The following PDE1C variants were observed in gnomAD, a reference collection of about 807,000 sequenced individuals.
The protein encoded by PDE1C is dual specificity calcium/calmodulin-dependent 3',5'-cyclic nucleotide phosphodiesterase 1C.
PDE1C carries 62 observed loss-of-function variants against 93.1 expected under a neutral mutation model. The observed-to-expected ratio is 0.67, with a 90% CI of 0.54 to 0.82. PDE1C has a LOEUF of 0.82. Among genes scored for constraint, PDE1C ranks in the 40% least tolerant of loss-of-function variants. PDE1C has a pLI of 0.00. For synonymous variants in PDE1C, 325 were observed against 310.1 expected, an observed-to-expected ratio of 1.05 and a Z score of -0.50; for missense variants, 742 against 884.6, an observed-to-expected ratio of 0.84 and a Z score of 2.04.
chr7:31,993,166 T>G (rs2128540055), intron 2 of PDE1C, among the ~76,000 whole-genome samples: 1 of 152,326 alleles, frequency 6.6e-6, no homozygotes, highest in East Asian at 1.9e-4. Context: ...AAACCAATGT[T>G]GTGAATATAT....
chr7:32,396,133 G>A (rs1169567311), intron 1 of PDE1C, among the ~76,000 whole-genome samples: 2 of 152,026 alleles, frequency 1.3e-5, no homozygotes, highest in African/African-American at 2.4e-5. Flanking sequence ...AAGCTATGAG[G>A]GTGGACTAGC....
At chr7:32,126,193 C>T (rs1799567615) in intron 3 of PDE1C, among the ~76,000 whole-genome samples, 1 of 143,890 alleles carries the variant, frequency 6.9e-6, no homozygotes, top group African/African-American at 2.6e-5. Flanking sequence ...GAAACCCAAT[C>T]CACTATTCTA....
chr7:32,372,106 T>C (rs566376060), intron 1 of PDE1C, among the ~76,000 whole-genome samples: 1 of 143,530 alleles, frequency 7.0e-6, no homozygotes, highest in South Asian at 2.2e-4. Context: ...CAGGCTGGAG[T>C]GCAGTGGCAC....
intron 5 of PDE1C, among the ~76,000 whole-genome samples, chr7:31,877,237 T>A (rs908429972): frequency 6.6e-6 from 1 of 152,116 alleles, no homozygotes; most frequent in African/African-American, 2.4e-5. Context: ...AAATCTCAAA[T>A]ACCCTCAGAC....
chr7:32,419,202 T>C (rs1249528129), intron 1 of PDE1C, among the ~76,000 whole-genome samples: 1 of 152,098 alleles, frequency 6.6e-6, no homozygotes, highest in Non-Finnish European at 1.5e-5. Context: ...GAGAAGAAAA[T>C]ACAGGGGAAC....
At chr7:32,294,357 C>A (rs1481227021) in intron 1 of PDE1C, among the ~76,000 whole-genome samples, 2 of 152,202 alleles carry the variant, frequency 1.3e-5, no homozygotes, top group African/African-American at 4.8e-5. Flanking sequence ...CCAATAGGTT[C>A]ATTTTTGAAG....
intron 1 of PDE1C, among the ~76,000 whole-genome samples, chr7:32,388,597 G>C (rs1042376531): frequency 1.4e-5 from 2 of 145,902 alleles, no homozygotes; most frequent in African/African-American, 2.5e-5. Flanking sequence ...GGAGAATCAC[G>C]AGCCCAGGAG....
chr7:31,853,076 A>G (rs1433063399), intron 7 of PDE1C, among the ~76,000 whole-genome samples: 1 of 152,108 alleles, frequency 6.6e-6, no homozygotes, highest in African/African-American at 2.4e-5. Flanking sequence ...GAAAGCATCT[A>G]AATAACAGTA....
intron 3 of PDE1C, among the ~76,000 whole-genome samples, chr7:32,125,723 T>C: frequency 6.6e-6 from 1 of 150,774 alleles, no homozygotes; most frequent in Non-Finnish European, 1.5e-5. Flanking sequence ...TGTTGGGGGT[T>C]GGGGGGCGAG....
intron 2 of PDE1C, among the ~76,000 whole-genome samples, chr7:31,955,294 C>T (rs1344983334): frequency 6.6e-6 from 1 of 152,130 alleles, no homozygotes; most frequent in Non-Finnish European, 1.5e-5. Flanking sequence ...ATCTACTATG[C>T]CCATTTCATT....
At chr7:32,024,162 T>G (rs1369162744) in intron 2 of PDE1C, among the ~76,000 whole-genome samples, 1 of 151,894 alleles carries the variant, frequency 6.6e-6, no homozygotes, top group Non-Finnish European at 1.5e-5. Context: ...TAAAGCTGAG[T>G]GATAGTAAGG....
chr7:32,129,149 G>A (rs1427543423), intron 3 of PDE1C, among the ~76,000 whole-genome samples: 1 of 150,600 alleles, frequency 6.6e-6, no homozygotes, highest in Non-Finnish European at 1.5e-5. Flanking sequence ...AAACAGAATT[G>A]ACATAAAATA....
intron 2 of PDE1C, among the ~76,000 whole-genome samples, chr7:32,186,131 T>C: frequency 6.8e-6 from 1 of 147,170 alleles, no homozygotes; most frequent in Non-Finnish European, 1.5e-5. Flanking sequence ...AGTCTCGCTC[T>C]GTCGCCCAGG....
chr7:31,810,694 C>G (rs1787436726), intron 15 of PDE1C, among the ~76,000 whole-genome samples: 1 of 152,078 alleles, frequency 6.6e-6, no homozygotes, highest in African/African-American at 2.4e-5. Flanking sequence ...ATACCCCACC[C>G]TGAACTCACA....
At chr7:32,121,613 G>A (rs1305649704) in intron 3 of PDE1C, among the ~76,000 whole-genome samples, 3 of 152,094 alleles carry the variant, frequency 2.0e-5, no homozygotes, top group Non-Finnish European at 4.4e-5. Flanking sequence ...TCAACCCAGA[G>A]TTTCATGTCC....
chr7:31,681,853 A>G, the PDE1C span, among the ~76,000 whole-genome samples: 2 of 152,214 alleles, frequency 1.3e-5, no homozygotes, highest in African/African-American at 4.8e-5. Flanking sequence ...GTATCTTCTG[A>G]TGAAATTCAC....
intron 3 of PDE1C, among the ~76,000 whole-genome samples, chr7:32,094,660 C>T (rs1194783431): frequency 6.6e-6 from 1 of 152,172 alleles, no homozygotes; most frequent in Non-Finnish European, 1.5e-5. Context: ...GCAAGGACCG[C>T]CCTCATCTCC....
intron 17 of PDE1C, among the ~76,000 whole-genome samples, chr7:31,765,352 C>A (rs1212235826): frequency 6.6e-6 from 1 of 152,134 alleles, no homozygotes; most frequent in Non-Finnish European, 1.5e-5. Flanking sequence ...TAAATTTTCT[C>A]ATCATTAATG....
intron 2 of PDE1C, among the ~76,000 whole-genome samples, chr7:31,886,110 C>T (rs1797842107): frequency 6.6e-6 from 1 of 152,170 alleles, no homozygotes; most frequent in Admixed American, 6.5e-5. Context: ...TTTTACAGTA[C>T]TTTCTCTACA....
Sources: allele counts gnomAD v4.1 joint callset (sites outside exome capture counted in the v4.1 genomes callset), GRCh38; gene constraint gnomAD v4.1.1; transcripts MANE v1.5; gene names NCBI Gene and HGNC (gene_info 2026-07-23, HGNC 2026-07-21).